Variants in CCSER1 observed in about 807,000 individuals in gnomAD.
CCSER1 encodes coiled-coil serine rich protein 1.
In CCSER1, 41 loss-of-function variants were observed where a neutral mutation model predicts 82.0. The ratio of observed to expected loss-of-function variants is 0.50; its 90% CI spans 0.39 to 0.65. The LOEUF (loss-of-function observed/expected upper bound fraction) is 0.65. Among genes scored for constraint, CCSER1 ranks in the 30% least tolerant of loss-of-function variants. The probability of loss-of-function intolerance (pLI) is 0.00; values close to 1 mark genes in which losing one functional copy is unlikely to be tolerated. For synonymous variants in CCSER1, 414 were observed against 383.9 expected (o/e 1.08, Z -0.92); for missense variants, 1,119 against 1,064.2 (o/e 1.05, Z -0.72).
intron 1 of CCSER1, among the ~76,000 whole-genome samples, chr4:90,169,692 G>C (rs571724491): frequency 2.0e-5 from 3 of 152,088 alleles, no homozygotes; most frequent in Admixed American, 6.6e-5. Flanking sequence ...CACAAAAACG[G>C]TTTTATTGTG....
At chr4:90,165,243 TGAA>T (rs1169738325) in intron 1 of CCSER1, among the ~76,000 whole-genome samples, 16 of 152,092 alleles carry the variant, frequency 1.1e-4, no homozygotes, top group Admixed American at 9.8e-4. Flanking sequence ...TGGAAGTAAA[TGAA>T]GGACTGTGTG....
At chr4:91,053,192 A>G (rs1459943623) in intron 9 of CCSER1, among the ~76,000 whole-genome samples, 1 of 152,198 alleles carries the variant, frequency 6.6e-6, no homozygotes, top group Non-Finnish European at 1.5e-5. Flanking sequence ...TTTCACTAAG[A>G]CTTATGAAGT....
intron 1 of CCSER1, among the ~76,000 whole-genome samples, chr4:90,202,455 G>T (rs527276782): frequency 2.0e-3 from 306 of 152,144 alleles, no homozygotes; most frequent in Non-Finnish European, 2.7e-3. Context: ...CACCTGCCTT[G>T]GCCTCCCAGA....
At chr4:90,508,110 C>A (rs1353277266) in intron 5 of CCSER1, among the ~76,000 whole-genome samples, 2 of 151,826 alleles carry the variant, frequency 1.3e-5, no homozygotes, top group Admixed American at 1.3e-4. Context: ...AATTGTTTAT[C>A]TTTTGGTTGG....
intron 10 of CCSER1, among the ~76,000 whole-genome samples, chr4:91,165,890 G>A (rs891016095): frequency 3.9e-5 from 6 of 152,166 alleles, no homozygotes; most frequent in African/African-American, 1.2e-4. Context: ...TGCTTCCTGG[G>A]AGAGGTGGTA....
chr4:91,388,288 A>G (rs573462312), intron 10 of CCSER1, among the ~76,000 whole-genome samples: 2 of 152,220 alleles, frequency 1.3e-5, no homozygotes, highest in South Asian at 2.1e-4. Flanking sequence ...TCTTAATTTT[A>G]TAAATAAGTC....
chr4:90,872,780 A>G (rs561074517), intron 8 of CCSER1, among the ~76,000 whole-genome samples: 8 of 152,076 alleles, frequency 5.3e-5, no homozygotes, highest in African/African-American at 1.9e-4. Flanking sequence ...AACTCTATTT[A>G]GCATTTATTG....
chr4:90,875,317 A>T (rs1034646753), intron 8 of CCSER1, among the ~76,000 whole-genome samples: 17 of 152,152 alleles, frequency 1.1e-4, no homozygotes, highest in African/African-American at 3.1e-4. Context: ...TGATAAACTG[A>T]GTTGAGCCTC....
At chr4:91,567,701 G>GTT (rs35777147) in intron 10 of CCSER1, among the ~76,000 whole-genome samples, 13 of 151,710 alleles carry the variant, frequency 8.6e-5, no homozygotes, top group African/African-American at 3.1e-4. Flanking sequence ...TACTACCCCT[G>GTT]TTTTTTTTCT....
chr4:90,986,128 G>A (rs1736557529), intron 9 of CCSER1, among the ~76,000 whole-genome samples: 1 of 151,538 alleles, frequency 6.6e-6, no homozygotes, highest in African/African-American at 2.4e-5. Flanking sequence ...TTTGATTTTC[G>A]GCATGTTAAG....
chr4:91,142,732 C>T (rs13121513), intron 10 of CCSER1, among the ~76,000 whole-genome samples: 46,052 of 151,972 alleles, frequency 0.3, 8,689 homozygotes, highest in East Asian at 0.45. Context: ...TTTATTGAAT[C>T]GAGAGTCCTT....
At chr4:91,465,284 A>G (rs1756816328) in intron 10 of CCSER1, among the ~76,000 whole-genome samples, 2 of 152,356 alleles carry the variant, frequency 1.3e-5, no homozygotes, top group South Asian at 4.1e-4. Context: ...GAAGTCAGAA[A>G]TAAAGATGTT....
chr4:90,254,684 T>C (rs1236268302), intron 1 of CCSER1, among the ~76,000 whole-genome samples: 1 of 152,082 alleles, frequency 6.6e-6, no homozygotes, highest in Non-Finnish European at 1.5e-5. Flanking sequence ...TTCTTGTCTG[T>C]ACATGCCGAT....
intron 6 of CCSER1, among the ~76,000 whole-genome samples, chr4:90,662,633 A>G (rs1279641331): frequency 6.6e-6 from 1 of 152,130 alleles, no homozygotes; most frequent in Non-Finnish European, 1.5e-5. Context: ...ATTGTACAAT[A>G]TCTTAACTAA....
chr4:90,606,037 T>A (rs959062357), intron 5 of CCSER1, among the ~76,000 whole-genome samples: 1 of 152,126 alleles, frequency 6.6e-6, no homozygotes, highest in Non-Finnish European at 1.5e-5. Flanking sequence ...ACCTATTGAT[T>A]ATAATTTCAT....
intron 2 of CCSER1, among the ~76,000 whole-genome samples, chr4:90,310,888 C>T (rs532587746): frequency 1.3e-5 from 2 of 152,136 alleles, no homozygotes; most frequent in South Asian, 2.1e-4. Context: ...TAATACTTTT[C>T]TCATTTGATA....
At chr4:90,913,901 C>A (rs1055032796) in intron 8 of CCSER1, among the ~76,000 whole-genome samples, 3 of 152,210 alleles carry the variant, frequency 2.0e-5, no homozygotes, top group Non-Finnish European at 4.4e-5. Context: ...CAAAGAAGGC[C>A]ATTACATAAT....
intron 5 of CCSER1, among the ~76,000 whole-genome samples, chr4:90,519,216 C>A (rs1772742293): frequency 6.6e-6 from 1 of 151,636 alleles, no homozygotes; most frequent in Admixed American, 6.6e-5. Flanking sequence ...ATTCTTCTAC[C>A]TCTGAATAAT....
At position 90,223,254 on chromosome 4, in the gene CCSER1, T is replaced by G. The variant is rs570371077; in HGVS notation, c.-41-84990T>G. ...TTGCCTATGTGTTTTAAACAATTGATATGTATTTTTTTCACTATGGATTTT... is the reference window on the plus strand; with the variant it reads ...TTGCCTATGTGTTTTAAACAATTGAGATGTATTTTTTTCACTATGGATTTT... On this transcript the variant is annotated intron_variant, in intron 1 of 10. Coordinates refer to ENST00000509176, the MANE Select transcript of CCSER1 (RefSeq NM_001145065.2). Among the ~76,000 whole-genome samples the G allele has an allele frequency of 2.6e-5, 4 of 152,370 alleles. No individual in the cohort carries two copies. The East Asian group carries it at 7.7e-4, about 29-fold the overall frequency.
Sources: allele counts gnomAD v4.1 joint callset (sites outside exome capture counted in the v4.1 genomes callset), GRCh38; gene constraint gnomAD v4.1.1; transcripts MANE v1.5; gene names NCBI Gene and HGNC (gene_info 2026-07-23, HGNC 2026-07-21).